Variants in SPOCK1 observed in about 807,000 individuals in gnomAD.
SPOCK1 encodes SPARC (osteonectin), cwcv and kazal like domains proteoglycan 1.
Under a neutral mutation model 55.3 loss-of-function variants are expected in SPOCK1, and 23 were observed. The ratio of observed to expected loss-of-function variants is 0.42; its 90% confidence interval spans 0.30 to 0.59. The LOEUF (loss-of-function observed/expected upper bound fraction) is 0.59. Among genes scored for constraint, SPOCK1 ranks in the 20% least tolerant of loss-of-function variants. SPOCK1 has a pLI of 0.22. For missense variants in SPOCK1, 499 were observed against 552.5 expected (o/e 0.90, Z 0.97); for synonymous variants, 226 against 221.0 (o/e 1.02, Z -0.20).
At chr5:137,112,111 A>T (rs545886765) in intron 5 of SPOCK1, among the ~76,000 whole-genome samples, 121 of 152,190 alleles carry the variant, frequency 8.0e-4, no homozygotes, top group African/African-American at 2.7e-3. Flanking sequence ...CCATCAGTTG[A>T]GCTATATGAC....
chr5:137,130,186 G>A (rs566826185), intron 4 of SPOCK1, among the ~76,000 whole-genome samples: 1 of 152,226 alleles, frequency 6.6e-6, no homozygotes, highest in East Asian at 1.9e-4. Context: ...GGCCTTCACT[G>A]TTCAACCAAT....
intron 2 of SPOCK1, among the ~76,000 whole-genome samples, chr5:137,493,193 G>C (rs908877158): frequency 6.6e-6 from 1 of 152,182 alleles, no homozygotes; most frequent in African/African-American, 2.4e-5. Flanking sequence ...GAATGTGCTT[G>C]TGTTTAGTTA....
At chr5:137,308,317 C>T (rs1269758037) in intron 2 of SPOCK1, among the ~76,000 whole-genome samples, 2 of 152,214 alleles carry the variant, frequency 1.3e-5, no homozygotes, top group Non-Finnish European at 2.9e-5. Context: ...CTGGCTCTGC[C>T]TCTCCTCTGC....
intron 2 of SPOCK1, among the ~76,000 whole-genome samples, chr5:137,272,270 G>T (rs1376557141): frequency 6.6e-6 from 1 of 152,178 alleles, no homozygotes; most frequent in Non-Finnish European, 1.5e-5. Context: ...CTTGACTGGG[G>T]GGAATAGGAA....
At chr5:137,364,248 C>T (rs1381944692) in intron 2 of SPOCK1, among the ~76,000 whole-genome samples, 1 of 152,174 alleles carries the variant, frequency 6.6e-6, no homozygotes, top group East Asian at 1.9e-4. Context: ...TACCTAAGCA[C>T]CATCTGCCCA....
chr5:137,051,376 G>T (rs1036655310), intron 6 of SPOCK1, among the ~76,000 whole-genome samples: 14 of 152,182 alleles, frequency 9.2e-5, no homozygotes, highest in African/African-American at 3.4e-4. Flanking sequence ...AAAGCTTTGG[G>T]TATTGGCTTA....
intron 6 of SPOCK1, among the ~76,000 whole-genome samples, chr5:137,031,732 C>A (rs1355662892): frequency 1.3e-5 from 2 of 152,054 alleles, no homozygotes; most frequent in African/African-American, 2.4e-5. Context: ...ACGGTAGACA[C>A]CATCCAGGGA....
chr5:137,126,780 C>T (rs935534049), intron 4 of SPOCK1, among the ~76,000 whole-genome samples: 1 of 102,244 alleles, frequency 9.8e-6, no homozygotes, highest in Admixed American at 1.0e-4. Flanking sequence ...GAGGAAAGGC[C>T]ACTTTTGTTA....
At chr5:137,456,798 G>A (rs1753377031) in intron 2 of SPOCK1, among the ~76,000 whole-genome samples, 1 of 152,122 alleles carries the variant, frequency 6.6e-6, no homozygotes, top group Non-Finnish European at 1.5e-5. Flanking sequence ...GAACCAATGG[G>A]AAATTTATAT....
chr5:137,215,209 T>C (rs908627083), intron 3 of SPOCK1, among the ~76,000 whole-genome samples: 1 of 152,240 alleles, frequency 6.6e-6, no homozygotes. Context: ...TTTACCTCTA[T>C]AGAAAACAGG....
intron 3 of SPOCK1, among the ~76,000 whole-genome samples, chr5:137,193,616 C>T (rs932585734): frequency 3.9e-5 from 6 of 152,174 alleles, no homozygotes; most frequent in Non-Finnish European, 8.8e-5. Context: ...GTGTCCGCCT[C>T]TGATGAAATA....
chr5:137,458,256 T>G (rs1483314455), intron 2 of SPOCK1, among the ~76,000 whole-genome samples: 1 of 152,214 alleles, frequency 6.6e-6, no homozygotes, highest in African/African-American at 2.4e-5. Context: ...TCACAAGCTT[T>G]GCTCATCATT....
chr5:137,332,898 A>AATG (rs1758212694), intron 2 of SPOCK1, among the ~76,000 whole-genome samples: 2 of 152,160 alleles, frequency 1.3e-5, no homozygotes, highest in Admixed American at 1.3e-4. Flanking sequence ...GTGCCGCAAA[A>AATG]ATGAGGGAGA....
intron 5 of SPOCK1, among the ~76,000 whole-genome samples, chr5:137,108,118 C>T (rs1334466753): frequency 6.6e-6 from 1 of 152,146 alleles, no homozygotes; most frequent in East Asian, 1.9e-4. Flanking sequence ...TTCACTCTTA[C>T]TAATTGAGCA....
chr5:137,400,949 G>A (rs1230368192), intron 2 of SPOCK1, among the ~76,000 whole-genome samples: 2 of 152,170 alleles, frequency 1.3e-5, no homozygotes, highest in Non-Finnish European at 2.9e-5. Context: ...CAGAGCACCC[G>A]CTGGAAACCC....
chr5:137,409,236 G>C (rs899043575), intron 2 of SPOCK1, among the ~76,000 whole-genome samples: 19 of 152,302 alleles, frequency 1.2e-4, no homozygotes, highest in Admixed American at 1.2e-3. Flanking sequence ...AATACTGTTA[G>C]AGGCATTGAA....
intron 3 of SPOCK1, among the ~76,000 whole-genome samples, chr5:137,185,643 A>C (rs1309659053): frequency 6.6e-6 from 1 of 152,172 alleles, no homozygotes; most frequent in Admixed American, 6.5e-5. Context: ...AAATCTTCAG[A>C]AGGAATGCAG....
chr5:137,304,617 TGGTAAGGGAGGCA>T (rs1757669776), intron 2 of SPOCK1, among the ~76,000 whole-genome samples: 1 of 152,120 alleles, frequency 6.6e-6, no homozygotes, highest in East Asian at 1.9e-4. Context: ...CCAGCAGGTT[TGGTAAGGGAGGCA>T]GCTTCCCCCC....
chr5:137,159,904 G>A (rs1754490760), intron 3 of SPOCK1, among the ~76,000 whole-genome samples: 1 of 152,034 alleles, frequency 6.6e-6, no homozygotes, highest in Non-Finnish European at 1.5e-5. Flanking sequence ...GCCAATCCAT[G>A]TCTATATTTT....
Sources: gnomAD v4.1 joint callset for allele counts (sites outside exome capture counted in the v4.1 genomes callset) on GRCh38, gnomAD v4.1.1 for gene constraint, MANE v1.5 for transcripts, NCBI Gene and HGNC (gene_info 2026-07-23, HGNC 2026-07-21) for gene names.